Variants in POLD1 observed in about 807,000 individuals in gnomAD.
POLD1 encodes DNA polymerase delta catalytic subunit.
Under a neutral mutation model 129.7 loss-of-function variants are expected in POLD1, and 79 were observed. The observed-to-expected ratio is 0.61, with a 90% CI of 0.51 to 0.73. POLD1 has a LOEUF of 0.73. Ranked by LOEUF, POLD1 falls within the 30% of genes least tolerant of loss-of-function variation. The pLI, the probability that POLD1 is intolerant of heterozygous loss-of-function variation, is 0.00. For synonymous variants in POLD1, 714 were observed against 683.3 expected, an observed-to-expected ratio of 1.04 and a Z score of -0.70; for missense variants, 1,338 against 1,595.8, an observed-to-expected ratio of 0.84 and a Z score of 2.75.
intron 1 of POLD1, chr19:50,394,956 C>G (rs2122151260): frequency 6.6e-6 from 1 of 152,104 alleles, no homozygotes; most frequent in South Asian, 2.1e-4. Flanking sequence ...CTGCCTCAGC[C>G]TCCCAAGTAG....
At chr19:50,388,712 T>C (rs1013016583) in intron 1 of POLD1, among the ~76,000 whole-genome samples, 4 of 137,768 alleles carry the variant, frequency 2.9e-5, no homozygotes, top group African/African-American at 1.4e-4. Flanking sequence ...ATTTGCTTTA[T>C]GCTTTATCCA....
intron 17 of POLD1, among the ~76,000 whole-genome samples, chr19:50,411,255 T>G (rs1443871653): frequency 2.0e-5 from 3 of 152,310 alleles, no homozygotes; most frequent in African/African-American, 7.2e-5. Context: ...ACAAAGTGAA[T>G]CGCTCACTGC....
chr19:50,394,592 T>C (rs570083862), intron 1 of POLD1, among the ~76,000 whole-genome samples: 1 of 151,870 alleles, frequency 6.6e-6, no homozygotes, highest in African/African-American at 2.4e-5. Flanking sequence ...GAGGCGAAGG[T>C]TGCAGTGAGC....
intron 14 of POLD1, among the ~76,000 whole-genome samples, chr19:50,407,994 C>A (rs111758060): frequency 0.081 from 12,255 of 151,728 alleles, 1,585 homozygotes; most frequent in African/African-American, 0.27. Flanking sequence ...GATGATTGCG[C>A]CACTGCCCTC....
At chr19:50,389,103 T>A in intron 1 of POLD1, among the ~76,000 whole-genome samples, 1 of 151,766 alleles carries the variant, frequency 6.6e-6, no homozygotes, top group Admixed American at 6.6e-5. Context: ...AGTGCTGGGA[T>A]TACAGGCATG....
intron 18 of POLD1, 84 bp downstream of exon 18, chr19:50,413,605 G>A: frequency 6.5e-7 from 1 of 1,533,408 alleles, no homozygotes; most frequent in Non-Finnish European, 9.0e-7. Flanking sequence ...ATGTCCCCGT[G>A]CCTCCTGGTC....
intron 26 of POLD1, among the ~76,000 whole-genome samples, 175 bp from the exon 27 acceptor site, chr19:50,417,667 C>T (rs1268271668): frequency 7.3e-6 from 1 of 136,346 alleles, no homozygotes; most frequent in Admixed American, 7.2e-5. Context: ...CCGCTGTTAT[C>T]GGCTCCCCCC....
rs3219440 is a variant in POLD1 at position 50,416,437 on chromosome 19, G to C, written c.2862G>C (p.Thr954=). 2,972 of 1,549,980 alleles carry C rather than the reference G, an allele frequency of 1.9e-3. 42 individuals are homozygous for C. The African/African-American group carries it at 0.036, about 19-fold the overall frequency. The change falls in exon 23 of 27, where the codon ACG becomes ACC. Residue 954 remains threonine (T), a synonymous_variant. Coordinates refer to ENST00000440232, the MANE Select transcript of POLD1 (RefSeq NM_002691.4). ...TGGAGCACAGCCTGCCCATTGACAC[G>C]CAGTACTACCTGGAGCAGCAGCTGG... ...FVLEHSLPID[T]QYYLEQQLAK...
intron 10 of POLD1, among the ~76,000 whole-genome samples, chr19:50,403,976 A>T (rs1231861375): frequency 2.6e-5 from 4 of 152,066 alleles, no homozygotes; most frequent in African/African-American, 9.7e-5. Flanking sequence ...GATGGGGCAA[A>T]TTCCGGATGC....
chr19:50,390,829 C>G (rs531515619), intron 1 of POLD1, among the ~76,000 whole-genome samples: 2 of 151,754 alleles, frequency 1.3e-5, no homozygotes, highest in South Asian at 4.1e-4. Flanking sequence ...ACATCTTGCA[C>G]CGCCCTTAAT....
chr19:50,409,776 A>C lies in POLD1; in HGVS notation c.2154+110A>C. The C allele has an allele frequency of 8.2e-7, 1 of 1,212,762 alleles. No homozygotes were observed. Among genetic ancestry groups the C allele is most frequent in the Admixed American group, 2.4e-5 (1 of 42,184 alleles). The allele number at this position is 1,212,762 out of a possible 1,614,324, so 75.1% of individuals were successfully genotyped here. ...TCCAGAGGACTGGGCACCCCAACTC[A>C]CTGGCCTTCTAGAGAGAGGATGCCA... is the stretch of plus-strand genomic sequence containing the variant. On this transcript the variant is annotated intron_variant, in intron 17 of 26. Coordinates refer to ENST00000440232, the MANE Select transcript of POLD1 (RefSeq NM_002691.4). The surrounding 1 kb of genome is among the most constrained non-coding windows in gnomAD (Gnocchi z 5.8).
Position 50,407,356 on chromosome 19 carries a change from G to T in POLD1, c.1716G>T (p.Val572=), listed in dbSNP as rs1568628387. 2 of 1,612,934 alleles carry T rather than the reference G, an allele frequency of 1.2e-6. No homozygotes were observed. The highest frequency in any genetic ancestry group is 1.7e-6 in the Non-Finnish European group (2 of 1,179,576). ...QAMHEGLLMP[V]VKSEGGEDYT... ...TGCACGAGGGGCTGCTGATGCCCGT[G>T]GTGAAGTCAGAGGGCGGCGAGGACT... The change falls in exon 14 of 27, where the codon GTG becomes GTT. Residue 572 remains valine (V), a synonymous_variant. Coordinates refer to ENST00000440232, the MANE Select transcript of POLD1 (RefSeq NM_002691.4).
At chr19:50,391,662 A>G (rs1365269709) in intron 1 of POLD1, among the ~76,000 whole-genome samples, 2 of 137,856 alleles carry the variant, frequency 1.5e-5, no homozygotes, top group Admixed American at 1.6e-4. Context: ...GTCCAGCCTC[A>G]GCTCGGCATC....
At chr19:50,400,992 G>A (rs935419281) in intron 3 of POLD1, among the ~76,000 whole-genome samples, 1 of 151,506 alleles carries the variant, frequency 6.6e-6, no homozygotes, top group African/African-American at 2.4e-5. Context: ...CACCGCGCCC[G>A]GCCTGGCTAA....
chr19:50,409,008 T>C lies in POLD1; in HGVS notation c.1892+107T>C. On this transcript the variant is annotated intron_variant, in intron 15 of 26. Transcript: ENST00000440232. This position sits in a 1 kb window ranked among gnomAD's most constrained non-coding sequence, Gnocchi z 5.8. ...GCACAGGCCCAGAGATAGTAGGGAG[T>C]GGAGGGGTGCTTGAGGGGCCTGCGT... The C allele has an allele frequency of 7.4e-7, 1 of 1,350,936 alleles. No homozygotes were observed. Among genetic ancestry groups the C allele is most frequent in the Non-Finnish European group, 1.0e-6 (1 of 957,678 alleles). 83.7% of individuals were successfully genotyped at this position (1,350,936 alleles called of 1,614,324 possible).
chr19:50,409,654 G>A lies in POLD1; in HGVS notation c.2142G>A (p.Leu714=), dbSNP rs1060501816. 2.5e-6 allele frequency: 4 copies of A among 1,605,260 alleles called. No individual in the cohort carries two copies. The highest frequency in any genetic ancestry group is 2.2e-5 in the South Asian group (2 of 90,724). The change falls in exon 17 of 27, where the codon CTG becomes CTA. Residue 714 remains leucine, a synonymous_variant. Coordinates refer to ENST00000440232, the MANE Select transcript of POLD1 (RefSeq NM_002691.4). This position sits in a 1 kb window ranked among gnomAD's most constrained non-coding sequence, Gnocchi z 5.8. ...TGAQVGKLPC[L]EISQSVTGFG... ...CCCAGGTGGGCAAGTTGCCGTGCCT[G>A]GAGATCTCACAGGTGGGCACTCGGG...
chr19:50,402,475 C>T lies in POLD1; in HGVS notation c.780C>T (p.Ile260=), dbSNP rs762155346. The change falls in exon 7 of 27, where the codon ATC becomes ATT. Residue 260 remains isoleucine, a synonymous_variant. Transcript: ENST00000440232. ...CCAGGTTCATGGTGGACACGGACAT[C>T]GTCGGCTGCAACTGGCTGGAGCTCC... ...FEIRFMVDTD[I]VGCNWLELPA... is the part of the protein sequence containing the mutation. 2.0e-5 allele frequency: 32 copies of T among 1,612,430 alleles called. No homozygotes were observed. In the South Asian group the frequency reaches 2.9e-4, roughly 14 times the overall value.
chr19:50,392,751 A>T (rs1443976411), intron 1 of POLD1, among the ~76,000 whole-genome samples: 6 of 152,388 alleles, frequency 3.9e-5, no homozygotes, highest in Non-Finnish European at 8.8e-5. Context: ...TGCTGGGATT[A>T]CAGGCGTGAG....
chr19:50,410,187 A>C (rs912604863), intron 17 of POLD1, among the ~76,000 whole-genome samples: 7 of 152,186 alleles, frequency 4.6e-5, no homozygotes, highest in African/African-American at 1.7e-4. Context: ...GAACAGAAAA[A>C]CAGATTCTTT....
Sources: allele counts gnomAD v4.1 joint callset (sites outside exome capture counted in the v4.1 genomes callset), GRCh38; gene constraint gnomAD v4.1.1; non-coding constraint Gnocchi (gnomAD v3.1); transcripts MANE v1.5; gene names NCBI Gene and HGNC (gene_info 2026-07-23, HGNC 2026-07-21).